Variants in MTOR observed in about 807,000 individuals in gnomAD.
The protein encoded by MTOR is mechanistic target of rapamycin kinase.
In MTOR, 70 loss-of-function variants were observed where a neutral mutation model predicts 319.8. That is an observed-to-expected ratio of 0.22 (90% CI 0.18 to 0.27). The LOEUF is 0.27. MTOR is among the 10% of genes least tolerant of loss of function. MTOR has a pLI of 1.00. For synonymous variants in MTOR, 1,183 were observed against 1,211.4 expected (o/e 0.98, Z 0.49); for missense variants, 1,890 against 3,274.4 (o/e 0.58, Z 10.32).
At chr1:11,233,366 C>G (rs376149308) in intron 15 of MTOR, 32 bp downstream of exon 15, 20 of 1,588,954 alleles carry the variant, frequency 1.3e-5, no homozygotes, top group African/African-American at 5.4e-5. Flanking sequence ...TCCACCCTAT[C>G]TCCGCTATGG....
Position 11,167,641 on chromosome 1 carries a change from G to A in MTOR, c.4254-124C>T, listed in dbSNP as rs992074227. 44 of 722,936 alleles carry A rather than the reference G, an allele frequency of 6.1e-5. No homozygotes were observed. The East Asian group carries it at 7.4e-4, about 12-fold the overall frequency. 44.8% of individuals were successfully genotyped at this position (722,936 alleles called of 1,614,324 possible). On this transcript the variant is annotated intron_variant, in intron 28 of 57. Coordinates refer to ENST00000361445, the MANE Select transcript of MTOR (RefSeq NM_004958.4). Reference sequence around the variant, plus strand: ...ACAATGTCTTGCAGATGCTGAAAGAGTATCAATTATCTATTACCATCCAGA... The same window carrying A: ...ACAATGTCTTGCAGATGCTGAAAGAATATCAATTATCTATTACCATCCAGA...
In MTOR at chr1:11,127,135, G is replaced by A. The variant is rs2100402623; in HGVS notation, c.6226C>T (p.Arg2076Ter). The stretch of plus-strand genomic sequence containing the variant: ...CACTCTTGGGCCTCCATTAAATCTC[G>A]ACCATAGGCCTGAGAGAGAAAGCAG... ...KETSFNQAYG[R>*]DLMEAQEWCR... Residue 2076 changes from arginine to a stop codon, truncating the protein, a stop_gained, in exon 45 of 58, where the codon CGA becomes TGA. Transcript: ENST00000361445. LOFTEE classifies it high-confidence loss of function. This position sits in a 1 kb window ranked among gnomAD's most constrained non-coding sequence, Gnocchi z 5.5. The A allele has an allele frequency of 1.2e-6, 2 of 1,614,058 alleles. No individual in the cohort carries two copies. Among genetic ancestry groups the A allele is most frequent in the Non-Finnish European group, 1.7e-6 (2 of 1,180,028 alleles).
chr1:11,137,429 A>C, intron 36 of MTOR, among the ~76,000 whole-genome samples: 1 of 152,268 alleles, frequency 6.6e-6, no homozygotes, highest in East Asian at 1.9e-4. Context: ...TTGAAGCCCA[A>C]TATTTCGTTT....
intron 19 of MTOR, among the ~76,000 whole-genome samples, chr1:11,220,031 C>CAAAAAAAAAAA (rs35124153): frequency 3.7e-5 from 2 of 54,592 alleles, no homozygotes; most frequent in Admixed American, 2.5e-4. Flanking sequence ...GACTTGATCT[C>CAAAAAAAAAAA]AAAAAAAAAA....
At chr1:11,246,923 T>C (rs1361147869) in intron 8 of MTOR, among the ~76,000 whole-genome samples, 1 of 152,252 alleles carries the variant, frequency 6.6e-6, no homozygotes, top group Non-Finnish European at 1.5e-5. Flanking sequence ...TTATTAGGGC[T>C]CTGTGCCAGG....
chr1:11,136,121 C>T (rs191577812), intron 36 of MTOR, among the ~76,000 whole-genome samples: 2 of 152,148 alleles, frequency 1.3e-5, no homozygotes, highest in Non-Finnish European at 2.9e-5. Flanking sequence ...GTGACAAGAG[C>T]GAAACCCTGT....
At position 11,130,708 on chromosome 1, in the gene MTOR, C is replaced by T. The variant is rs752914901; in HGVS notation, c.5434G>A (p.Asp1812Asn). Residue 1812 changes from aspartate (D) to asparagine (N), a missense_variant, in exon 39 of 58, where the codon GAT (aspartate) becomes AAT (asparagine). Physicochemically the swap from Asp to Asn is conservative, Grantham distance 23. This residue lies in a region of MTOR where 91 missense variants were observed against 90.4 expected (regional missense o/e 1.01). Transcript: ENST00000361445. Reference protein sequence around the residue: ...LHYKHQNQARDEKKKLRHASG... With the variant: ...LHYKHQNQARNEKKKLRHASG... ...GCATGACGCAGTTTCTTCTTCTCAT[C>T]GCGGGCTTGGTTCTGATGTTTGTAG... is the stretch of plus-strand genomic sequence containing the variant. 10 of 1,602,682 alleles carry T rather than the reference C, an allele frequency of 6.2e-6. No individual in the cohort carries two copies. The highest frequency in any genetic ancestry group is 2.2e-5 in the South Asian group (2 of 89,086).
chr1:11,262,430 AG>A lies in MTOR; in HGVS notation c.-15+14del, dbSNP rs1651270017. On this transcript the variant is annotated intron_variant, in intron 1 of 57. Coordinates refer to ENST00000361445, the MANE Select transcript of MTOR (RefSeq NM_004958.4). ...TACGCCGCCCTAGAGGGGTCGTGCC[AG>A]GCCCTAGACTCACCGCGCGGCTTCG... 6.6e-6 allele frequency: 1 copy of A among 152,438 alleles called. No individual in the cohort carries two copies. The highest frequency in any genetic ancestry group is 2.4e-5 in the African/African-American group (1 of 41,450). 9.4% of individuals were successfully genotyped at this position (152,438 alleles called of 1,614,324 possible). A position where few individuals can be genotyped will look rare whatever the true frequency, so the allele number is the denominator to read the frequency against.
intron 29 of MTOR, among the ~76,000 whole-genome samples, chr1:11,159,650 A>G (rs889108681): frequency 6.6e-6 from 1 of 152,188 alleles, no homozygotes; most frequent in Non-Finnish European, 1.5e-5. Context: ...TCAAAAAAAA[A>G]AAAAAGATAA....
rs1260620990 is a variant in MTOR at position 11,240,354 on chromosome 1, C to T, written c.1735G>A (p.Val579Met). 2.5e-6 allele frequency: 4 copies of T among 1,612,276 alleles called. No homozygotes were observed. Among genetic ancestry groups the T allele is most frequent in the Non-Finnish European group, 3.4e-6 (4 of 1,179,074 alleles). The change falls in exon 11 of 58, where the codon GTG (valine) becomes ATG (methionine). Residue 579 changes from valine to methionine, a missense_variant. Transcript: ENST00000361445. ...GLTTLPEASD[V>M]GSITLALRTL... is the part of the protein sequence containing the mutation. ...CGGAGGGCAAGAGTGATGCTGCCCA[C>T]ATCGCTGGCCTCAGGGAGGGTCGTG...
At chr1:11,146,581 C>G in intron 32 of MTOR, 95 bp downstream of exon 32, 1 of 906,046 alleles carries the variant, frequency 1.1e-6, no homozygotes, top group Non-Finnish European at 1.8e-6. Flanking sequence ...AACATCAGAC[C>G]TGAAGTACAA....
chr1:11,183,193 AT>A (rs1645213394), intron 28 of MTOR, among the ~76,000 whole-genome samples: 1 of 152,102 alleles, frequency 6.6e-6, no homozygotes, highest in South Asian at 2.1e-4. Context: ...TATGATTTAA[AT>A]TTTTATTTCC....
At chr1:11,124,021 CAA>C (rs1339791115) in intron 47 of MTOR, among the ~76,000 whole-genome samples, 1 of 152,204 alleles carries the variant, frequency 6.6e-6, no homozygotes, top group Non-Finnish European at 1.5e-5. Flanking sequence ...CTCCTGACCT[CAA>C]GTGATCCACC....
At chr1:11,217,997 C>G (rs1400464023) in intron 19 of MTOR, among the ~76,000 whole-genome samples, 1 of 152,120 alleles carries the variant, frequency 6.6e-6, no homozygotes, top group Non-Finnish European at 1.5e-5. Flanking sequence ...AAGGTGATTA[C>G]AGCCTGGTCC....
intron 28 of MTOR, among the ~76,000 whole-genome samples, chr1:11,187,421 C>A (rs923176420): frequency 1.3e-5 from 2 of 152,158 alleles, no homozygotes; most frequent in Non-Finnish European, 2.9e-5. Flanking sequence ...CAACCTAGAT[C>A]CCTCACATGT....
At chr1:11,229,410 G>A (rs983407558) in intron 18 of MTOR, among the ~76,000 whole-genome samples, 8 of 152,226 alleles carry the variant, frequency 5.3e-5, no homozygotes, top group Admixed American at 3.3e-4. Flanking sequence ...CGGGGGCAGT[G>A]GCAAGGGAGG....
intron 6 of MTOR, among the ~76,000 whole-genome samples, chr1:11,250,153 G>A (rs1649447460): frequency 7.7e-6 from 1 of 129,520 alleles, no homozygotes; most frequent in Admixed American, 7.8e-5. Context: ...CTCCCGGACA[G>A]GGCGGCTGGC....
intron 28 of MTOR, among the ~76,000 whole-genome samples, chr1:11,185,959 G>A (rs1343805075): frequency 2.5e-4 from 38 of 151,906 alleles, no homozygotes; most frequent in Admixed American, 2.5e-3. Flanking sequence ...GCAGGTGCCT[G>A]TAGTCCCAGC....
intron 20 of MTOR, among the ~76,000 whole-genome samples, chr1:11,214,970 C>T (rs1041110895): frequency 2.6e-5 from 4 of 152,150 alleles, no homozygotes; most frequent in African/African-American, 9.7e-5. Flanking sequence ...TTCACAAAGA[C>T]TATTTTCTTC....
Sources: allele counts gnomAD v4.1 joint callset (sites outside exome capture counted in the v4.1 genomes callset), GRCh38; gene constraint gnomAD v4.1.1; regional missense constraint gnomAD v4.1.1; non-coding constraint Gnocchi (gnomAD v3.1); transcripts MANE v1.5; gene names NCBI Gene and HGNC (gene_info 2026-07-23, HGNC 2026-07-21).